Variants in PPP4R2 observed in about 807,000 individuals in gnomAD.
PPP4R2 encodes protein phosphatase 4 regulatory subunit 2.
A neutral mutation model predicts 47.2 loss-of-function variants in PPP4R2; 13 were observed. The observed-to-expected ratio is 0.28, with a 90% CI of 0.18 to 0.44. PPP4R2 has a LOEUF of 0.44. Ranked by LOEUF, PPP4R2 falls within the 20% of genes least tolerant of loss-of-function variation. The pLI is 1.00. For synonymous variants in PPP4R2, 151 were observed against 163.3 expected, an observed-to-expected ratio of 0.92 and a Z score of 0.57; for missense variants, 421 against 491.2, an observed-to-expected ratio of 0.86 and a Z score of 1.35.
At chr3:72,998,018 TTTG>T in intron 1 of PPP4R2, 56 bp from the exon 2 acceptor site, 2 of 1,212,806 alleles carry the variant, frequency 1.6e-6, no homozygotes, top group Non-Finnish European at 1.2e-6. Context: ...AGGAGGAAAG[TTTG>T]TTTTTAGAGC....
At chr3:73,057,885 C>T (rs1702757751) in intron 3 of PPP4R2, among the ~76,000 whole-genome samples, 1 of 152,032 alleles carries the variant, frequency 6.6e-6, no homozygotes, top group Non-Finnish European at 1.5e-5. Context: ...ATCACACTGC[C>T]TATAAAAAAT....
chr3:73,049,498 C>G (rs186439553), intron 3 of PPP4R2, among the ~76,000 whole-genome samples: 3 of 147,778 alleles, frequency 2.0e-5, no homozygotes, highest in Admixed American at 2.0e-4. Context: ...GACTCCATCT[C>G]AAAAAAAAAG....
intron 2 of PPP4R2, among the ~76,000 whole-genome samples, chr3:73,034,752 C>T (rs1702232274): frequency 6.6e-6 from 1 of 151,820 alleles, no homozygotes; most frequent in South Asian, 2.1e-4. Context: ...AGGCTGGACT[C>T]AAACTCCTGG....
chr3:73,016,835 T>TTTA (rs1491346479), intron 2 of PPP4R2, among the ~76,000 whole-genome samples: 2 of 119,864 alleles, frequency 1.7e-5, no homozygotes, highest in East Asian at 2.1e-4. Context: ...TTTTTTTTTT[T>TTTA]AAATACAGAG....
At position 73,020,675 on chromosome 3, in the gene PPP4R2, A is replaced by T. The variant is rs991613232; in HGVS notation, c.116+22517A>T. 8.0e-5 allele frequency among the ~76,000 whole-genome samples: 12 copies of T among 149,994 alleles called. 1 individual carries two copies. Among genetic ancestry groups the T allele is most frequent in the South Asian group, 6.3e-4 (3 of 4,776 alleles). On this transcript the variant is annotated intron_variant, in intron 2 of 8. Transcript: ENST00000356692. ...ACAGAGTGAGACCCTGTCTCTTTAA[A>T]AAAAAAAAAAAAAAAAGTTAAAAAA...
At chr3:73,004,951 G>A (rs1013127726) in intron 2 of PPP4R2, among the ~76,000 whole-genome samples, 2 of 52,120 alleles carry the variant, frequency 3.8e-5, no homozygotes, top group African/African-American at 2.6e-4. Context: ...AGTCGTGTGT[G>A]TGTGTGTGTG....
At chr3:73,036,756 G>A (rs1030630948) in intron 2 of PPP4R2, among the ~76,000 whole-genome samples, 2 of 152,054 alleles carry the variant, frequency 1.3e-5, no homozygotes, top group African/African-American at 4.8e-5. Flanking sequence ...TACGTGATTG[G>A]CATTTTTAAA....
At chr3:73,030,612 A>ATT (rs57682305) in intron 2 of PPP4R2, among the ~76,000 whole-genome samples, 5,380 of 143,040 alleles carry the variant, frequency 0.038, 109 homozygotes, top group Middle Eastern at 0.068. Context: ...GATTACGTTG[A>ATT]TTTTTTTTTT....
chr3:73,042,207 T>G (rs932688311), intron 2 of PPP4R2, among the ~76,000 whole-genome samples: 1 of 152,130 alleles, frequency 6.6e-6, no homozygotes, highest in Non-Finnish European at 1.5e-5. Context: ...ATGAGCATCT[T>G]TTTAGAATAA....
intron 4 of PPP4R2, among the ~76,000 whole-genome samples, chr3:73,060,031 TGAAG>T (rs1178055431): frequency 6.6e-6 from 1 of 151,390 alleles, no homozygotes; most frequent in Non-Finnish European, 1.5e-5. Flanking sequence ...GAGTGAAAAA[TGAAG>T]GAAGCCCTGT....
At position 73,066,672 on chromosome 3, in the gene PPP4R2, G is replaced by A. The variant is rs1455429132; in HGVS notation, c.*950G>A. On this transcript the variant is annotated 3_prime_UTR_variant, in exon 9 of 9. Coordinates refer to ENST00000356692, the MANE Select transcript of PPP4R2 (RefSeq NM_174907.4). The stretch of plus-strand genomic sequence containing the variant: ...CCTTTTGCTTGCTTTTCTGAACATT[G>A]TGAATATTACACATGTCTTTCTAAA... 4 of 152,028 alleles carry A rather than the reference G, an allele frequency of 2.6e-5. No homozygotes were observed. Among genetic ancestry groups the A allele is most frequent in the Non-Finnish European group, 5.9e-5 (4 of 67,938 alleles). 9.4% of individuals were successfully genotyped at this position (152,028 alleles called of 1,614,324 possible).
chr3:73,020,690 AAGTT>A (rs1299179090), intron 2 of PPP4R2, among the ~76,000 whole-genome samples: 1 of 151,594 alleles, frequency 6.6e-6, no homozygotes, highest in Non-Finnish European at 1.5e-5. Context: ...AAAAAAAAAA[AAGTT>A]AAAAAACTTT....
chr3:73,005,813 CAA>C (rs1446841380), intron 2 of PPP4R2, among the ~76,000 whole-genome samples: 1 of 119,792 alleles, frequency 8.3e-6, no homozygotes, highest in Non-Finnish European at 1.7e-5. Flanking sequence ...GTCTGGGCAA[CAA>C]GAGTGAAACT....
chr3:73,035,221 A>AC (rs1385956834), intron 2 of PPP4R2, among the ~76,000 whole-genome samples: 2 of 152,108 alleles, frequency 1.3e-5, no homozygotes, highest in Non-Finnish European at 2.9e-5. Flanking sequence ...GATGTTATAC[A>AC]CCCCAGTTAA....
At chr3:73,021,846 ATATG>A (rs1377045179) in intron 2 of PPP4R2, among the ~76,000 whole-genome samples, 57 of 120,898 alleles carry the variant, frequency 4.7e-4, no homozygotes, top group African/African-American at 6.2e-4. Context: ...TTACATTTCT[ATATG>A]TGTGTGTGTG....
intron 2 of PPP4R2, among the ~76,000 whole-genome samples, chr3:73,046,950 A>G (rs1361382268): frequency 6.6e-6 from 1 of 152,180 alleles, no homozygotes; most frequent in Admixed American, 6.5e-5. Context: ...AGTTCATTTA[A>G]AAGATCTAAA....
intron 2 of PPP4R2, among the ~76,000 whole-genome samples, chr3:73,016,771 C>A: frequency 1.0e-5 from 1 of 96,766 alleles, no homozygotes. Context: ...GAGTCTCACT[C>A]TGTCACCCAT....
intron 2 of PPP4R2, among the ~76,000 whole-genome samples, chr3:73,042,349 T>G (rs1194936446): frequency 6.8e-6 from 1 of 147,284 alleles, no homozygotes; most frequent in South Asian, 2.1e-4. Flanking sequence ...TTTTTGTGCC[T>G]GAATATAATT....
At chr3:73,037,350 C>T (rs565096707) in intron 2 of PPP4R2, among the ~76,000 whole-genome samples, 1 of 152,144 alleles carries the variant, frequency 6.6e-6, no homozygotes, top group African/African-American at 2.4e-5. Context: ...AAATCTTATT[C>T]CTCAAATTTT....
Sources: allele counts gnomAD v4.1 joint callset (sites outside exome capture counted in the v4.1 genomes callset), GRCh38; gene constraint gnomAD v4.1.1; transcripts MANE v1.5; gene names NCBI Gene and HGNC (gene_info 2026-07-23, HGNC 2026-07-21).